ZZEF1: variants seen among roughly 807,000 people sequenced by gnomAD.
The protein encoded by ZZEF1 is zinc finger ZZ-type and EF-hand domain-containing protein 1.
Under a neutral mutation model 342.8 loss-of-function variants are expected in ZZEF1, and 157 were observed. The observed-to-expected ratio is 0.46, with a 90% confidence interval of 0.40 to 0.52. The LOEUF (loss-of-function observed/expected upper bound fraction) is 0.52. ZZEF1 is among the 20% of genes least tolerant of loss of function. The pLI is 0.00. For missense variants in ZZEF1, 3,480 were observed against 3,725.6 expected (o/e 0.93, Z 1.72); for synonymous variants, 1,505 against 1,429.1 (o/e 1.05, Z -1.20).
chr17:4,092,559 G>A (rs1195491430), intron 11 of ZZEF1, among the ~76,000 whole-genome samples: 6 of 151,946 alleles, frequency 3.9e-5, no homozygotes, highest in Non-Finnish European at 7.4e-5. Flanking sequence ...CACCCGCCTC[G>A]GCCTTCCAAA....
At chr17:4,051,911 TTTTC>T in intron 35 of ZZEF1, 56 bp downstream of exon 35, 1 of 1,530,452 alleles carries the variant, frequency 6.5e-7, no homozygotes, top group Non-Finnish European at 8.8e-7. Context: ...AAGAAGTCCC[TTTTC>T]AAGTGAAGGA....
Position 4,075,336 on chromosome 17 carries a change from C to A in ZZEF1, c.3328G>T (p.Val1110Leu), listed in dbSNP as rs567437433. 1.2e-6 allele frequency: 2 copies of A among 1,614,216 alleles called. No homozygotes were observed. Among genetic ancestry groups the A allele is most frequent in the African/African-American group, 2.7e-5 (2 of 75,048 alleles). Residue 1110 changes from valine to leucine, a missense_variant, in exon 22 of 55, where the codon GTA becomes TTA. Transcript: ENST00000381638. ...AHNYENNCHE[V>L]SVFVSPGATY... ...GCCCCTGGGCTAACAAAGACGGATA[C>A]CTCATGGCAATTATTTTCATAGTTG...
chr17:4,095,848 C>A lies in ZZEF1; in HGVS notation c.1896G>T (p.Arg632Ser), dbSNP rs200437704. ...KYDKWKLQEL[R>S]QFVKSRIGCS... ...CTTCTTACCTGCTTTTTACAAATTG[C>A]CTGAGCTCCTGAAGCTTCCATTTGT... The change falls in exon 11 of 55, where the codon AGG (arginine) becomes AGT (serine). Residue 632 changes from arginine (R) to serine (S), a missense_variant. By Grantham distance (110) the Arg-to-Ser change is moderately radical (BLOSUM62 -1). This residue lies in a region of ZZEF1 where 1,528 missense variants were observed against 1,624.1 expected (regional missense o/e 0.94). Transcript: ENST00000381638. 5.0e-6 allele frequency: 8 copies of A among 1,608,240 alleles called. No homozygotes were observed. Among genetic ancestry groups the A allele is most frequent in the Non-Finnish European group, 6.8e-6 (8 of 1,177,368 alleles).
intron 11 of ZZEF1, among the ~76,000 whole-genome samples, chr17:4,092,016 C>G (rs1419887261): frequency 6.7e-6 from 1 of 150,196 alleles, no homozygotes; most frequent in Non-Finnish European, 1.5e-5. Flanking sequence ...GCGGAGGTTG[C>G]GGTGAGCCAA....
intron 1 of ZZEF1, among the ~76,000 whole-genome samples, chr17:4,139,999 T>G (rs1199090790): frequency 3.3e-5 from 5 of 152,162 alleles, no homozygotes; most frequent in Admixed American, 3.3e-4. Context: ...CCTTCCCTTT[T>G]CCCTTTCTTG....
At chr17:4,060,591 AC>A (rs2057265212) in intron 30 of ZZEF1, among the ~76,000 whole-genome samples, 1 of 151,572 alleles carries the variant, frequency 6.6e-6, no homozygotes, top group Non-Finnish European at 1.5e-5. Context: ...CAAAAAACAA[AC>A]AAAAAAAACA....
chr17:4,073,793 C>G (rs1330382514), intron 24 of ZZEF1, among the ~76,000 whole-genome samples: 2 of 152,066 alleles, frequency 1.3e-5, no homozygotes, highest in Non-Finnish European at 2.9e-5. Context: ...CATATATTTA[C>G]ATAAATATTC....
At chr17:4,101,938 C>G (rs972525323) in intron 9 of ZZEF1, among the ~76,000 whole-genome samples, 3 of 152,002 alleles carry the variant, frequency 2.0e-5, no homozygotes, top group African/African-American at 7.3e-5. Flanking sequence ...CCTGGAAATA[C>G]CCTTCTTAAA....
chr17:4,117,648 C>CAAAAA (rs61155656), intron 2 of ZZEF1, among the ~76,000 whole-genome samples: 2,179 of 88,838 alleles, frequency 0.025, 92 homozygotes, highest in Non-Finnish European at 0.03. Flanking sequence ...AACTCCACCT[C>CAAAAA]AAAAAAAAAA....
chr17:4,056,487 G>T, intron 32 of ZZEF1, 142 bp from the exon 33 acceptor site: 4 of 845,538 alleles, frequency 4.7e-6, no homozygotes, highest in Non-Finnish European at 6.5e-6. Context: ...GCTTTTCAAA[G>T]CCCCAGGATT....
At chr17:4,126,462 A>G (rs1013880862) in intron 1 of ZZEF1, among the ~76,000 whole-genome samples, 4 of 152,208 alleles carry the variant, frequency 2.6e-5, no homozygotes, top group African/African-American at 7.2e-5. Flanking sequence ...TACAAGATGC[A>G]ACAGCTACAA....
Position 4,009,076 on chromosome 17 carries a change from C to T in ZZEF1, c.8734-122G>A, listed in dbSNP as rs540722258. 1.8e-4 allele frequency: 216 copies of T among 1,187,504 alleles called. No homozygotes were observed. The African/African-American group carries it at 3.0e-3, about 16-fold the overall frequency. 73.6% of individuals were successfully genotyped at this position (1,187,504 alleles called of 1,614,324 possible). On this transcript the variant is annotated intron_variant, in intron 53 of 54. Coordinates refer to ENST00000381638, the MANE Select transcript of ZZEF1 (RefSeq NM_015113.4). ...TCTCATGGGCGGACGCTACTCACGC[C>T]GCCCAGCACCGCGTGGCACTGCCTT...
chr17:4,034,682 G>C (rs1041247881), intron 39 of ZZEF1, among the ~76,000 whole-genome samples: 15 of 152,108 alleles, frequency 9.9e-5, no homozygotes, highest in Non-Finnish European at 1.8e-4. Context: ...CTTTTTCTAT[G>C]CATATTTATT....
chr17:4,131,690 G>A (rs185304531), intron 1 of ZZEF1, among the ~76,000 whole-genome samples: 30 of 152,146 alleles, frequency 2.0e-4, no homozygotes, highest in African/African-American at 7.2e-4. Context: ...TGAGGTGGGA[G>A]GATCACTTGA....
intron 52 of ZZEF1, among the ~76,000 whole-genome samples, chr17:4,011,483 C>T (rs1342472850): frequency 1.3e-5 from 2 of 151,348 alleles, no homozygotes; most frequent in Non-Finnish European, 2.9e-5. Context: ...TGCAAGGTTG[C>T]TCAGGCAGAA....
rs922524723 is a variant in ZZEF1 at position 4,114,234 on chromosome 17, G to C, written c.866+65C>G. 3.9e-6 allele frequency: 5 copies of C among 1,288,288 alleles called. No homozygotes were observed. In the African/African-American group the frequency reaches 6.1e-5, roughly 16 times the overall value. 79.8% of individuals were successfully genotyped at this position (1,288,288 alleles called of 1,614,324 possible). ...TTCATAGCCACTTAAAATACAAAGA[G>C]TAGGCAGTTAAGAAGAAAACAATCC... On this transcript the variant is annotated intron_variant, in intron 4 of 54. Coordinates refer to ENST00000381638, the MANE Select transcript of ZZEF1 (RefSeq NM_015113.4).
At chr17:4,082,413 A>T in intron 17 of ZZEF1, 24 bp downstream of exon 17, 1 of 1,612,532 alleles carries the variant, frequency 6.2e-7, no homozygotes, top group Non-Finnish European at 8.5e-7. Context: ...GTTATCCGAC[A>T]ATTAAAAAGA....
intron 43 of ZZEF1, among the ~76,000 whole-genome samples, 173 bp from the exon 44 acceptor site, chr17:4,023,001 T>C (rs981251808): frequency 6.6e-6 from 1 of 152,198 alleles, no homozygotes; most frequent in African/African-American, 2.4e-5. Context: ...AAAAGCTGTC[T>C]GGGGCTCTTT....
chr17:4,074,416 G>A, intron 23 of ZZEF1, 65 bp from the exon 24 acceptor site: 3 of 1,509,314 alleles, frequency 2.0e-6, no homozygotes, highest in South Asian at 2.3e-5. Flanking sequence ...AAATCAGCAT[G>A]CTCTTCATGA....
Sources: gnomAD v4.1 joint callset for allele counts (sites outside exome capture counted in the v4.1 genomes callset) on GRCh38, gnomAD v4.1.1 for gene constraint, gnomAD v4.1.1 regional missense constraint, MANE v1.5 for transcripts, NCBI Gene and HGNC (gene_info 2026-07-23, HGNC 2026-07-21) for gene names.